The following SSH2 variants were observed in gnomAD, a reference collection of about 807,000 sequenced individuals.
SSH2 encodes slingshot protein phosphatase 2, also known as protein phosphatase Slingshot homolog 2.
SSH2 carries 37 observed loss-of-function variants against 135.2 expected under a neutral mutation model. That is an observed-to-expected ratio of 0.27 (90% CI 0.21 to 0.36). SSH2 has a LOEUF of 0.36. Ranked by LOEUF, SSH2 falls within the 10% of genes least tolerant of loss-of-function variation. The pLI, the probability that SSH2 is intolerant of heterozygous loss-of-function variation, is 1.00. For missense variants in SSH2, 1,408 were observed against 1,765.3 expected (o/e 0.80, Z 3.63); for synonymous variants, 628 against 646.2 (o/e 0.97, Z 0.43).
intron 2 of SSH2, among the ~76,000 whole-genome samples, chr17:29,834,933 A>T (rs1203200535): frequency 6.6e-6 from 1 of 152,216 alleles, no homozygotes; most frequent in Non-Finnish European, 1.5e-5. Context: ...TTTAGTACAT[A>T]TCCTTTTTAA....
At chr17:29,803,858 T>C (rs1423648111) in intron 2 of SSH2, among the ~76,000 whole-genome samples, 3 of 152,166 alleles carry the variant, frequency 2.0e-5, no homozygotes, top group Admixed American at 2.0e-4. Flanking sequence ...TTAATGTCTA[T>C]AAAGAAGTGT....
chr17:29,761,057 A>T (rs958527430), intron 3 of SSH2: 1 of 1,243,374 alleles, frequency 8.0e-7, no homozygotes, highest in Non-Finnish European at 1.1e-6. Context: ...CCCTCGCTTG[A>T]TTGTTTGCTC....
chr17:29,661,443 G>A (rs890615770), intron 11 of SSH2, among the ~76,000 whole-genome samples: 6 of 152,260 alleles, frequency 3.9e-5, no homozygotes, highest in South Asian at 2.1e-4. Flanking sequence ...TAATCTGGCC[G>A]TTGAACTGGG....
At chr17:29,788,362 G>A (rs1393061478) in intron 3 of SSH2, among the ~76,000 whole-genome samples, 1 of 152,236 alleles carries the variant, frequency 6.6e-6, no homozygotes, top group East Asian at 1.9e-4. Context: ...CTGCCTTTGA[G>A]CAAGGACATT....
At chr17:29,719,467 G>A (rs887180117) in intron 3 of SSH2, among the ~76,000 whole-genome samples, 4 of 150,532 alleles carry the variant, frequency 2.7e-5, no homozygotes, top group African/African-American at 9.8e-5. Flanking sequence ...AGCCAAGATC[G>A]TGCCACTCCA....
intron 5 of SSH2, among the ~76,000 whole-genome samples, chr17:29,690,365 A>G (rs1306657954): frequency 6.7e-6 from 1 of 149,938 alleles, no homozygotes; most frequent in Admixed American, 6.7e-5. Context: ...AGATTGCGCC[A>G]TTGTACTCCA....
chr17:29,782,147 A>C (rs1167086683), intron 3 of SSH2, among the ~76,000 whole-genome samples: 1 of 152,006 alleles, frequency 6.6e-6, no homozygotes, highest in Non-Finnish European at 1.5e-5. Context: ...TGCCGGCCCT[A>C]TGTTTTCTTT....
At chr17:29,647,218 C>T (rs1184168528) in intron 14 of SSH2, among the ~76,000 whole-genome samples, 4 of 150,070 alleles carry the variant, frequency 2.7e-5, no homozygotes, top group African/African-American at 9.8e-5. Flanking sequence ...GCCGAGATCG[C>T]GCCACTGCAC....
intron 3 of SSH2, among the ~76,000 whole-genome samples, chr17:29,746,814 G>C (rs2040780202): frequency 6.6e-6 from 1 of 152,108 alleles, no homozygotes; most frequent in South Asian, 2.1e-4. Flanking sequence ...ACAAAATTCA[G>C]AGAACAGCAG....
chr17:29,640,356 G>T (rs1598696062), intron 14 of SSH2, among the ~76,000 whole-genome samples: 1 of 151,840 alleles, frequency 6.6e-6, no homozygotes, highest in Non-Finnish European at 1.5e-5. Flanking sequence ...GATTATAGGC[G>T]TGAGCCACCA....
chr17:29,773,928 C>T (rs1430808897), intron 3 of SSH2, among the ~76,000 whole-genome samples: 2 of 152,180 alleles, frequency 1.3e-5, no homozygotes, highest in African/African-American at 4.8e-5. Context: ...CCTTGGCCTC[C>T]CAAAGTGTTG....
At chr17:29,747,646 G>A (rs1241864214) in intron 3 of SSH2, among the ~76,000 whole-genome samples, 1 of 152,204 alleles carries the variant, frequency 6.6e-6, no homozygotes, top group African/African-American at 2.4e-5. Context: ...ATTCAACGAT[G>A]CAAAGCTAAC....
At chr17:29,716,543 T>G (rs1293050901) in intron 3 of SSH2, 1 of 722,954 alleles carries the variant, frequency 1.4e-6, no homozygotes, top group East Asian at 2.8e-5. Flanking sequence ...CATTCCTTTT[T>G]GAACAGTACC....
intron 3 of SSH2, among the ~76,000 whole-genome samples, chr17:29,706,053 T>C (rs1042690450): frequency 3.9e-5 from 6 of 152,174 alleles, no homozygotes; most frequent in Non-Finnish European, 7.3e-5. Flanking sequence ...GCTTGAACAA[T>C]AGGTGATGGA....
chr17:29,901,202 A>G (rs2066546195), intron 1 of SSH2, among the ~76,000 whole-genome samples: 1 of 152,150 alleles, frequency 6.6e-6, no homozygotes, highest in South Asian at 2.1e-4. Flanking sequence ...TGGGTGCAGC[A>G]CACCAACATG....
chr17:29,831,114 C>T (rs985262518), intron 2 of SSH2, among the ~76,000 whole-genome samples: 6 of 152,262 alleles, frequency 3.9e-5, no homozygotes, highest in East Asian at 1.9e-4. Context: ...TTGATATAGT[C>T]GTGGCTGCTT....
At chr17:29,671,317 A>G (rs1430446408) in intron 9 of SSH2, among the ~76,000 whole-genome samples, 1 of 152,134 alleles carries the variant, frequency 6.6e-6, no homozygotes, top group Non-Finnish European at 1.5e-5. Context: ...ATCTCTAAAA[A>G]AATAAAAATT....
intron 4 of SSH2, among the ~76,000 whole-genome samples, chr17:29,700,324 T>C (rs1473775551): frequency 1.3e-5 from 2 of 152,172 alleles, no homozygotes; most frequent in African/African-American, 4.8e-5. Flanking sequence ...TTCCCCAAAA[T>C]GATAAATAAG....
intron 3 of SSH2, among the ~76,000 whole-genome samples, chr17:29,715,158 C>A (rs975379542): frequency 2.6e-5 from 4 of 152,014 alleles, no homozygotes; most frequent in African/African-American, 9.7e-5. Context: ...TGAGCCACTG[C>A]GCCCGGTGAT....
Sources: allele counts gnomAD v4.1 joint callset (sites outside exome capture counted in the v4.1 genomes callset), GRCh38; gene constraint gnomAD v4.1.1; transcripts MANE v1.5; gene names NCBI Gene and HGNC (gene_info 2026-07-23, HGNC 2026-07-21).